Variants in INSR observed in about 807,000 individuals in gnomAD.
INSR encodes insulin receptor, also known as IR.
Under a neutral mutation model 142.6 loss-of-function variants are expected in INSR, and 67 were observed. The observed-to-expected ratio is 0.47, with a 90% CI of 0.39 to 0.58. The LOEUF is 0.58. Among genes scored for constraint, INSR ranks in the 20% least tolerant of loss-of-function variants. The pLI, the probability that INSR is intolerant of heterozygous loss-of-function variation, is 0.00. For missense variants in INSR, 1,248 were observed against 1,833.2 expected, an observed-to-expected ratio of 0.68 and a Z score of 5.83; for synonymous variants, 756 against 743.1, an observed-to-expected ratio of 1.02 and a Z score of -0.28.
At chr19:7,174,478 T>A (rs1050072281) in intron 4 of INSR, 105 bp downstream of exon 4, 1 of 1,303,164 alleles carries the variant, frequency 7.7e-7, no homozygotes, top group Non-Finnish European at 1.1e-6. Context: ...CTAAAAGTGC[T>A]GTAGGAGCAC....
In INSR at chr19:7,119,009, C is replaced by T. The variant is rs544891188; in HGVS notation, c.3794+440G>A. Among the ~76,000 whole-genome samples the T allele has an allele frequency of 2.0e-4, 30 of 151,838 alleles. No homozygotes were observed. Among genetic ancestry groups the T allele is most frequent in the Middle Eastern group, 3.4e-3 (1 of 290 alleles). On this transcript the variant is annotated intron_variant, in intron 21 of 21. Transcript: ENST00000302850. The surrounding 1 kb of genome is among the most constrained non-coding windows in gnomAD (Gnocchi z 5.2). ...TTCCCTTCTCCCAAGATAACTACCG[C>T]TATAGGTGTTTTGTGCAACCTTCCA...
chr19:7,221,410 AAG>A (rs1187738121), intron 2 of INSR, among the ~76,000 whole-genome samples: 1 of 120,702 alleles, frequency 8.3e-6, no homozygotes, highest in African/African-American at 2.8e-5. Flanking sequence ...AGGAGGAAAG[AAG>A]AAGAAGAAGA....
At chr19:7,270,335 T>TCACA (rs1277505424) in intron 1 of INSR, among the ~76,000 whole-genome samples, 3,110 of 82,602 alleles carry the variant, frequency 0.038, 40 homozygotes, top group Middle Eastern at 0.079. Flanking sequence ...TCTCTCTCTC[T>TCACA]CTCTCACACA....
At chr19:7,205,682 G>A (rs982628185) in intron 2 of INSR, among the ~76,000 whole-genome samples, 4 of 152,148 alleles carry the variant, frequency 2.6e-5, no homozygotes, top group Admixed American at 2.6e-4. Context: ...AGACCAGCCT[G>A]GGCAACATGG....
At chr19:7,197,348 G>C (rs1269826640) in intron 2 of INSR, among the ~76,000 whole-genome samples, 1 of 152,268 alleles carries the variant, frequency 6.6e-6, no homozygotes, top group Non-Finnish European at 1.5e-5. Context: ...AAGCGAGTGA[G>C]TGAGTGAGTG....
chr19:7,186,192 C>A (rs1442160081), intron 2 of INSR, among the ~76,000 whole-genome samples: 1 of 152,050 alleles, frequency 6.6e-6, no homozygotes, highest in Non-Finnish European at 1.5e-5. Flanking sequence ...GAGACTCTGT[C>A]TCAAAACAAA....
Position 7,293,963 on chromosome 19 carries a change from G to A in INSR, c.-72C>T. On this transcript the variant is annotated 5_prime_UTR_variant, in exon 1 of 22. Coordinates refer to ENST00000302850, the MANE Select transcript of INSR (RefSeq NM_000208.4). ...GCCCGCGGGGGTCATGCTCCGAGGCGGCCACCCAAGAGGCGCTGGGGGCCG... is the reference window on the plus strand; with the variant it reads ...GCCCGCGGGGGTCATGCTCCGAGGCAGCCACCCAAGAGGCGCTGGGGGCCG... 8.7e-7 allele frequency: 1 copy of A among 1,143,200 alleles called. No individual in the cohort carries two copies. Among genetic ancestry groups the A allele is most frequent in the Non-Finnish European group, 1.1e-6 (1 of 932,314 alleles). 70.8% of individuals were successfully genotyped at this position (1,143,200 alleles called of 1,614,324 possible). A position where few individuals can be genotyped will look rare whatever the true frequency, so the allele number is the denominator to read the frequency against.
chr19:7,209,992 T>C (rs1975225375), intron 2 of INSR, among the ~76,000 whole-genome samples: 1 of 152,072 alleles, frequency 6.6e-6, no homozygotes, highest in Non-Finnish European at 1.5e-5. Context: ...AAATTCCAAA[T>C]GAACGTGACC....
At chr19:7,175,353 G>A (rs1974112819) in intron 3 of INSR, among the ~76,000 whole-genome samples, 1 of 152,044 alleles carries the variant, frequency 6.6e-6, no homozygotes, top group African/African-American at 2.4e-5. Flanking sequence ...AGGGTCTCAA[G>A]TGATGGCATA....
chr19:7,285,132 T>C (rs2145245839), intron 1 of INSR, among the ~76,000 whole-genome samples: 1 of 151,658 alleles, frequency 6.6e-6, no homozygotes, highest in Non-Finnish European at 1.5e-5. Flanking sequence ...CTGGGCAACA[T>C]AGCGAGCCCT....
chr19:7,269,553 G>C (rs1405360384), intron 1 of INSR, among the ~76,000 whole-genome samples: 1 of 152,050 alleles, frequency 6.6e-6, no homozygotes. Flanking sequence ...GCTCAGGCTG[G>C]GAGGCAGCTT....
chr19:7,279,472 C>T (rs891700520), intron 1 of INSR, among the ~76,000 whole-genome samples: 2 of 149,138 alleles, frequency 1.3e-5, no homozygotes, highest in African/African-American at 2.5e-5. Flanking sequence ...GAGGAGGGAT[C>T]GTCAATGAGC....
At chr19:7,197,873 CGT>C (rs1336904172) in intron 2 of INSR, among the ~76,000 whole-genome samples, 1 of 123,442 alleles carries the variant, frequency 8.1e-6, no homozygotes, top group African/African-American at 3.2e-5. Context: ...AGTGTGTGCG[CGT>C]GTGTGTCTGT....
At chr19:7,169,576 CAAAA>C (rs74174872) in intron 6 of INSR, among the ~76,000 whole-genome samples, 24,627 of 94,792 alleles carry the variant, frequency 0.26, 2,330 homozygotes, top group South Asian at 0.34. Context: ...GACTCTGTCC[CAAAA>C]AAAAAAAAAA....
rs1195474935 is a variant in INSR at position 7,163,020 on chromosome 19, G to A, written c.2029+12C>T. Reference sequence around the variant, plus strand: ...AAACCCCACCGATCCTAGCACAGCTGCCTGCACTCACCTTTGAGGCAATAA... The same window carrying A: ...AAACCCCACCGATCCTAGCACAGCTACCTGCACTCACCTTTGAGGCAATAA... On this transcript the variant is annotated intron_variant, in intron 9 of 21. Coordinates refer to ENST00000302850, the MANE Select transcript of INSR (RefSeq NM_000208.4). 6.2e-7 allele frequency: 1 copy of A among 1,612,720 alleles called. No homozygotes were observed. The highest frequency in any genetic ancestry group is 1.3e-5 in the African/African-American group (1 of 74,814).
intron 1 of INSR, among the ~76,000 whole-genome samples, chr19:7,291,016 G>C (rs916778838): frequency 6.6e-6 from 1 of 151,976 alleles, no homozygotes; most frequent in Non-Finnish European, 1.5e-5. Flanking sequence ...GTTGCAGTGA[G>C]CTGAGATCGT....
chr19:7,120,708 G>A lies in INSR; in HGVS notation c.3571C>T (p.Arg1191Trp), dbSNP rs886054686. The A allele has an allele frequency of 5.0e-6, 8 of 1,614,096 alleles. No individual in the cohort carries two copies. The highest frequency in any genetic ancestry group is 1.7e-5 in the Admixed American group (1 of 60,014). Residue 1191 changes from arginine to tryptophan, a missense_variant, in exon 20 of 22, where the codon CGG becomes TGG. By Grantham distance (101) the Arg-to-Trp change is moderately radical. Around this residue, in one of 3 missense-constraint regions of INSR, gnomAD observed 1,069 missense variants for 1,654.0 expected, o/e 0.65. Transcript: ENST00000302850. The part of the protein sequence containing the change: ...TRDIYETDYY[R>W]KGGKGLLPVR... ...GGGAGCAGACCCTTGCCCCCTTTCCGGTAGTAATCCGTTTCATAGATGTCT... is the reference window on the plus strand; with the variant it reads ...GGGAGCAGACCCTTGCCCCCTTTCCAGTAGTAATCCGTTTCATAGATGTCT...
At chr19:7,227,588 G>C (rs146840278) in intron 2 of INSR, among the ~76,000 whole-genome samples, 1 of 152,034 alleles carries the variant, frequency 6.6e-6, no homozygotes, top group Non-Finnish European at 1.5e-5. Context: ...TTGCATTCTC[G>C]TCGAAAGATC....
chr19:7,238,443 A>G lies in INSR; in HGVS notation c.652+28902T>C, dbSNP rs558502270. On this transcript the variant is annotated intron_variant, in intron 2 of 21. Transcript: ENST00000302850. ...AAGACCAGCCTGGCCAACATGGTGA[A>G]ACCCCATCTCTACTAAAAAATACAA... is the stretch of plus-strand genomic sequence containing the variant. Among the ~76,000 whole-genome samples, 18 of 152,016 alleles carry G rather than the reference A, an allele frequency of 1.2e-4. No homozygotes were observed. The East Asian group carries it at 3.5e-3, about 29-fold the overall frequency.
Sources: allele counts gnomAD v4.1 joint callset (sites outside exome capture counted in the v4.1 genomes callset), GRCh38; gene constraint gnomAD v4.1.1; regional missense constraint gnomAD v4.1.1; non-coding constraint Gnocchi (gnomAD v3.1); transcripts MANE v1.5; gene names NCBI Gene and HGNC (gene_info 2026-07-23, HGNC 2026-07-21).